The following ESR1 variants were observed in gnomAD, a reference collection of about 807,000 sequenced individuals.
ESR1 encodes estrogen receptor.
A neutral mutation model predicts 52.7 loss-of-function variants in ESR1; 12 were observed. The observed-to-expected ratio is 0.23, with a 90% confidence interval of 0.15 to 0.37. The LOEUF (loss-of-function observed/expected upper bound fraction) is 0.37, where lower values mean the gene tolerates loss of function less well. Among genes scored for constraint, ESR1 ranks in the 10% least tolerant of loss-of-function variants. The probability of loss-of-function intolerance (pLI) is 1.00; values close to 1 mark genes in which losing one functional copy is unlikely to be tolerated. For synonymous variants in ESR1, 305 were observed against 316.8 expected (o/e 0.96, Z 0.39); for missense variants, 584 against 779.7 (o/e 0.75, Z 2.99).
intron 4 of ESR1, among the ~76,000 whole-genome samples, chr6:151,948,499 A>G (rs981737808): frequency 6.6e-6 from 1 of 152,150 alleles, no homozygotes; most frequent in African/African-American, 2.4e-5. Flanking sequence ...GAAGAGGAAA[A>G]GAGGAAAAGG....
At chr6:151,796,394 G>A (rs1046160150) in intron 2 of ESR1, among the ~76,000 whole-genome samples, 2 of 152,088 alleles carry the variant, frequency 1.3e-5, no homozygotes, top group Non-Finnish European at 2.9e-5. Context: ...AAAAACTGGC[G>A]ACCTCAGCTG....
chr6:152,032,698 G>A (rs945531292), intron 5 of ESR1, among the ~76,000 whole-genome samples: 1 of 152,150 alleles, frequency 6.6e-6, no homozygotes, highest in African/African-American at 2.4e-5. Flanking sequence ...TCAATATCAT[G>A]AAAATGGCCA....
chr6:151,863,276 C>T (rs1033166233), intron 2 of ESR1, among the ~76,000 whole-genome samples: 23 of 152,104 alleles, frequency 1.5e-4, no homozygotes, highest in African/African-American at 2.4e-4. Flanking sequence ...TATCCATGAG[C>T]GTGGAATGTT....
intron 1 of ESR1, among the ~76,000 whole-genome samples, chr6:151,667,563 A>C (rs1433875384): frequency 1.3e-5 from 2 of 152,214 alleles, no homozygotes; most frequent in Non-Finnish European, 2.9e-5. Context: ...CTTAAGATTT[A>C]ACTCAAGAAG....
At chr6:152,032,633 A>T (rs1321962189) in intron 5 of ESR1, among the ~76,000 whole-genome samples, 1 of 152,210 alleles carries the variant, frequency 6.6e-6, no homozygotes, top group Non-Finnish European at 1.5e-5. Flanking sequence ...GCTCAACAAA[A>T]TAAAAGAAGA....
intron 6 of ESR1, among the ~76,000 whole-genome samples, chr6:152,062,266 C>A (rs1193678202): frequency 1.3e-5 from 2 of 152,076 alleles, no homozygotes; most frequent in Non-Finnish European, 2.9e-5. Flanking sequence ...ATGGAATCAG[C>A]CCTTCCTTCT....
intron 2 of ESR1, among the ~76,000 whole-genome samples, chr6:151,769,253 A>G (rs1785313615): frequency 6.6e-6 from 1 of 152,224 alleles, no homozygotes; most frequent in South Asian, 2.1e-4. Context: ...AATCAAACTC[A>G]TTTATTAACA....
chr6:151,774,056 A>G (rs1056060209), intron 2 of ESR1, among the ~76,000 whole-genome samples: 1 of 152,198 alleles, frequency 6.6e-6, no homozygotes, highest in African/African-American at 2.4e-5. Flanking sequence ...AGTTGGAAGA[A>G]GTTAGATTAA....
chr6:151,994,922 T>C (rs2041343955), intron 4 of ESR1, among the ~76,000 whole-genome samples: 1 of 152,212 alleles, frequency 6.6e-6, no homozygotes, highest in African/African-American at 2.4e-5. Context: ...CTTGACTTAA[T>C]AAACTAATCT....
intron 6 of ESR1, among the ~76,000 whole-genome samples, chr6:152,111,752 G>C (rs190479729): frequency 6.6e-6 from 1 of 152,114 alleles, no homozygotes; most frequent in African/African-American, 2.4e-5. Flanking sequence ...TCGCTGTCTC[G>C]GTAGCTGCTT....
At chr6:151,896,434 A>G (rs117809166) in intron 3 of ESR1, among the ~76,000 whole-genome samples, 3,433 of 152,244 alleles carry the variant, frequency 0.023, 59 homozygotes, top group Middle Eastern at 0.12. Flanking sequence ...CTTTCCAGGA[A>G]TTTACCTATC....
At chr6:152,084,896 C>T (rs2049571291) in intron 6 of ESR1, among the ~76,000 whole-genome samples, 1 of 152,268 alleles carries the variant, frequency 6.6e-6, no homozygotes, top group Admixed American at 6.5e-5. Flanking sequence ...TGATAATCAC[C>T]TTGGTGGTGA....
chr6:152,059,373 A>G (rs1212319899), intron 5 of ESR1, among the ~76,000 whole-genome samples: 2 of 151,960 alleles, frequency 1.3e-5, no homozygotes, highest in Non-Finnish European at 2.9e-5. Flanking sequence ...TAGAGGAATA[A>G]ATGAAACGTT....
In ESR1 at chr6:151,808,297, C is replaced by A; in HGVS notation, c.385C>A (p.Pro129Thr). 1 of 1,578,328 alleles carries A rather than the reference C, an allele frequency of 6.3e-7. No homozygotes were observed. Among genetic ancestry groups the A allele is most frequent in the South Asian group, 1.2e-5 (1 of 85,608 alleles). Residue 129 changes from proline to threonine, a missense_variant, in exon 1 of 8, where the codon CCC becomes ACC. By Grantham distance (38) the Pro-to-Thr change is conservative. Transcript: ENST00000206249. ...PFLQPHGQQV[P>T]YYLENEPSGY... Reference sequence around the variant, plus strand: ...CCTGCAGCCCCACGGCCAGCAGGTGCCCTACTACCTGGAGAACGAGCCCAG... The same window carrying A: ...CCTGCAGCCCCACGGCCAGCAGGTGACCTACTACCTGGAGAACGAGCCCAG...
chr6:152,022,108 G>C (rs1356341947), intron 5 of ESR1, among the ~76,000 whole-genome samples: 1 of 152,180 alleles, frequency 6.6e-6, no homozygotes, highest in Non-Finnish European at 1.5e-5. Context: ...TGAGAGAAAA[G>C]GGTTATGTAT....
intron 1 of ESR1, among the ~76,000 whole-genome samples, chr6:151,663,370 A>G (rs1215226598): frequency 3.3e-5 from 5 of 152,188 alleles, no homozygotes; most frequent in Admixed American, 2.6e-4. Flanking sequence ...GCTGAGATCA[A>G]CTGAGATTTC....
chr6:152,043,861 G>T (rs976713499), intron 5 of ESR1, among the ~76,000 whole-genome samples: 4 of 152,110 alleles, frequency 2.6e-5, no homozygotes, highest in African/African-American at 7.2e-5. Context: ...TAAACACCTG[G>T]CAAGGCTGTG....
chr6:152,009,593 G>T (rs2042604143), intron 4 of ESR1, among the ~76,000 whole-genome samples: 1 of 152,024 alleles, frequency 6.6e-6, no homozygotes, highest in African/African-American at 2.4e-5. Context: ...CACTGGTGAG[G>T]TTGTAGACCA....
At chr6:152,095,273 A>T (rs566978852) in intron 7 of ESR1, among the ~76,000 whole-genome samples, 1 of 152,286 alleles carries the variant, frequency 6.6e-6, no homozygotes, top group South Asian at 2.1e-4. Context: ...ACTCCTTATG[A>T]TTCAGCCCTT....
Sources: allele counts gnomAD v4.1 joint callset (sites outside exome capture counted in the v4.1 genomes callset), GRCh38; gene constraint gnomAD v4.1.1; transcripts MANE v1.5; gene names NCBI Gene and HGNC (gene_info 2026-07-23, HGNC 2026-07-21).